Variants in CEP350 observed in about 807,000 individuals in gnomAD.
The protein encoded by CEP350 is centrosomal protein 350.
CEP350 carries 126 observed loss-of-function variants against 331.8 expected under a neutral mutation model. The observed-to-expected ratio is 0.38, with a 90% CI of 0.33 to 0.44. The LOEUF (loss-of-function observed/expected upper bound fraction) is 0.44, where lower values mean the gene tolerates loss of function less well. Among genes scored for constraint, CEP350 ranks in the 20% least tolerant of loss-of-function variants. The pLI is 1.00. For synonymous variants in CEP350, 1,200 were observed against 1,259.5 expected, an observed-to-expected ratio of 0.95 and a Z score of 1.00; for missense variants, 3,406 against 3,634.6, an observed-to-expected ratio of 0.94 and a Z score of 1.62.
Position 180,014,230 on chromosome 1 carries a change from A to G in CEP350, c.1777A>G (p.Thr593Ala), listed in dbSNP as rs570378041. The G allele has an allele frequency of 3.4e-5, 55 of 1,610,904 alleles. No individual in the cohort carries two copies. In the South Asian group the frequency reaches 5.4e-4, roughly 16 times the overall value. The change falls in exon 10 of 38, where the codon ACA becomes GCA. Residue 593 changes from threonine to alanine, a missense_variant. Around this residue, in one of 5 missense-constraint regions of CEP350, gnomAD observed 1,857 missense variants for 1,909.2 expected, o/e 0.97. Coordinates refer to ENST00000367607, the MANE Select transcript of CEP350 (RefSeq NM_014810.5). ...TATTTCCAAAAGGCGCCACTATGACACAGATGAGGTACGACAGTACATTGT... is the reference window on the plus strand; with the variant it reads ...TATTTCCAAAAGGCGCCACTATGACGCAGATGAGGTACGACAGTACATTGT... ...PVISKRRHYD[T>A]DEVRQYIVRQ... is the part of the protein sequence containing the mutation.
intron 2 of CEP350, 117 bp from the exon 3 acceptor site, chr1:179,987,122 CT>C (rs1428573799): frequency 6.7e-5 from 40 of 596,280 alleles, no homozygotes; most frequent in African/African-American, 4.9e-4. Flanking sequence ...ATTGTTCTGC[CT>C]AATAAGGTAG....
At chr1:180,016,808 T>G (rs1002198092) in intron 11 of CEP350, among the ~76,000 whole-genome samples, 1 of 152,012 alleles carries the variant, frequency 6.6e-6, no homozygotes, top group Non-Finnish European at 1.5e-5. Flanking sequence ...ATTACAGGCA[T>G]GTGCCACTAC....
chr1:179,983,431 C>A (rs1208986560), intron 1 of CEP350, among the ~76,000 whole-genome samples: 6 of 151,986 alleles, frequency 3.9e-5, no homozygotes, highest in Admixed American at 3.9e-4. Context: ...GACAGGGTTT[C>A]GCCATGTTGG....
chr1:179,982,877 G>A (rs1652381655), intron 1 of CEP350, among the ~76,000 whole-genome samples: 1 of 152,108 alleles, frequency 6.6e-6, no homozygotes, highest in African/African-American at 2.4e-5. Flanking sequence ...TGCAACCTCC[G>A]ACTCCCTGGT....
At chr1:179,985,766 C>G (rs1318940122) in intron 1 of CEP350, among the ~76,000 whole-genome samples, 1 of 97,850 alleles carries the variant, frequency 1.0e-5, no homozygotes, top group East Asian at 4.0e-4. Context: ...GGAAACTGCC[C>G]CCCTGATCCA....
At chr1:180,101,625 T>C (rs772696744) in intron 37 of CEP350, among the ~76,000 whole-genome samples, 30 of 152,080 alleles carry the variant, frequency 2.0e-4, no homozygotes, top group Admixed American at 3.3e-4. Context: ...TACCCAGATA[T>C]AGTGTCACAT....
intron 1 of CEP350, among the ~76,000 whole-genome samples, chr1:179,958,825 T>C (rs1650366030): frequency 1.3e-5 from 2 of 152,166 alleles, no homozygotes. Flanking sequence ...AAAAAATAAG[T>C]TGCACTATAC....
intron 4 of CEP350, among the ~76,000 whole-genome samples, chr1:179,991,654 T>A (rs957258194): frequency 2.2e-5 from 3 of 136,550 alleles, no homozygotes; most frequent in Non-Finnish European, 4.7e-5. Flanking sequence ...AACTGTGATA[T>A]GTATATATAT....
At chr1:179,971,382 A>G (rs572656454) in intron 1 of CEP350, among the ~76,000 whole-genome samples, 1 of 152,232 alleles carries the variant, frequency 6.6e-6, no homozygotes, top group South Asian at 2.1e-4. Context: ...GGAGTGTAGT[A>G]GTGCAATTAT....
chr1:180,073,296 T>G (rs1161873214), intron 27 of CEP350, among the ~76,000 whole-genome samples: 1 of 152,174 alleles, frequency 6.6e-6, no homozygotes, highest in African/African-American at 2.4e-5. Context: ...TTTACTAAAT[T>G]GTATTATTTT....
At chr1:180,044,285 G>A in intron 21 of CEP350, 112 bp downstream of exon 21, 1 of 1,084,818 alleles carries the variant, frequency 9.2e-7, no homozygotes. Flanking sequence ...AACAGTGTGT[G>A]CCCTTCAAAG....
At chr1:180,067,869 G>T (rs1162431940) in intron 27 of CEP350, among the ~76,000 whole-genome samples, 1 of 152,196 alleles carries the variant, frequency 6.6e-6, no homozygotes, top group African/African-American at 2.4e-5. Flanking sequence ...AATGATGTTG[G>T]AGTGTCAGCT....
rs761507372 is a variant in CEP350, at chr1:180,031,448, C to T, written c.3679C>T (p.Leu1227Phe). ...KLSVKDFEQTLDTDSTLEDLS... is the reference protein window; with the variant it reads ...KLSVKDFEQTFDTDSTLEDLS... The stretch of plus-strand genomic sequence containing the variant: ...TTCTGTTAAAGATTTTGAGCAGACT[C>T]TTGATACAGATAGCACTTTGGAGGA... The change falls in exon 15 of 38, where the codon CTT becomes TTT. Residue 1227 changes from leucine to phenylalanine, a missense_variant. Leu to Phe is a conservative substitution (Grantham distance 22). Transcript: ENST00000367607. The T allele has an allele frequency of 6.3e-7, 1 of 1,590,818 alleles. No individual in the cohort carries two copies. The highest frequency in any genetic ancestry group is 1.7e-5 in the Admixed American group (1 of 57,278).
chr1:179,986,118 G>T, intron 1 of CEP350, 51 bp from the exon 2 acceptor site: 1 of 1,393,094 alleles, frequency 7.2e-7, no homozygotes, highest in South Asian at 1.3e-5. Flanking sequence ...TTTTTCTAAG[G>T]AAAAGTAATA....
chr1:180,029,833 T>TA (rs1655898986), intron 14 of CEP350, among the ~76,000 whole-genome samples: 1 of 152,204 alleles, frequency 6.6e-6, no homozygotes, highest in Admixed American at 6.6e-5. Context: ...CATTCTCCTC[T>TA]TCTCCCAGCA....
At chr1:180,022,632 G>T in intron 12 of CEP350, 66 bp from the exon 13 acceptor site, 1 of 1,431,412 alleles carries the variant, frequency 7.0e-7, no homozygotes, top group Non-Finnish European at 9.6e-7. Context: ...CTCCATGTAT[G>T]GGATGCTTTT....
In CEP350 at chr1:180,111,232, C is replaced by T. The variant is rs1316495439; in HGVS notation, c.*71C>T. On this transcript the variant is annotated 3_prime_UTR_variant, in exon 38 of 38. Coordinates refer to ENST00000367607, the MANE Select transcript of CEP350 (RefSeq NM_014810.5). ...GCCTTTCTGCCTCCTGATGTACACC[C>T]ATCGCCATCATAGCAAGAGTGCTTC... is the stretch of plus-strand genomic sequence containing the variant. 2 of 1,542,794 alleles carry T rather than the reference C, an allele frequency of 1.3e-6. No homozygotes were observed. The highest frequency in any genetic ancestry group is 3.6e-5 in the Admixed American group (2 of 55,146).
At chr1:179,973,465 T>G (rs1035130468) in intron 1 of CEP350, among the ~76,000 whole-genome samples, 1 of 152,230 alleles carries the variant, frequency 6.6e-6, no homozygotes, top group Non-Finnish European at 1.5e-5. Flanking sequence ...TGTCAGTGAG[T>G]GTATAAATGA....
chr1:180,064,287 T>C (rs2149017703), intron 26 of CEP350, among the ~76,000 whole-genome samples: 1 of 152,250 alleles, frequency 6.6e-6, no homozygotes, highest in East Asian at 1.9e-4. Context: ...CCTCCTGCAT[T>C]GGATGCCCTC....
Sources: gnomAD v4.1 joint callset for allele counts (sites outside exome capture counted in the v4.1 genomes callset) on GRCh38, gnomAD v4.1.1 for gene constraint, gnomAD v4.1.1 regional missense constraint, MANE v1.5 for transcripts, NCBI Gene and HGNC (gene_info 2026-07-23, HGNC 2026-07-21) for gene names.